The following MPP7 variants were observed in gnomAD, a reference collection of about 807,000 sequenced individuals.
MPP7 encodes the protein MAGUK p55 subfamily member 7.
Under a neutral mutation model 76.5 loss-of-function variants are expected in MPP7, and 60 were observed. That is an observed-to-expected ratio of 0.78 (90% CI 0.64 to 0.97). The LOEUF (loss-of-function observed/expected upper bound fraction) is 0.97. Among genes scored for constraint, MPP7 ranks in the 50% least tolerant of loss-of-function variants. The pLI is 0.00. For missense variants in MPP7, 641 were observed against 694.0 expected (o/e 0.92, Z 0.86); for synonymous variants, 237 against 244.5 (o/e 0.97, Z 0.29).
chr10:28,099,917 AC>A (rs746959084), intron 11 of MPP7, among the ~76,000 whole-genome samples: 13 of 152,230 alleles, frequency 8.5e-5, no homozygotes, highest in South Asian at 8.3e-4. Flanking sequence ...AGAAAAAAAA[AC>A]ATTTAAATTC....
intron 2 of MPP7, among the ~76,000 whole-genome samples, chr10:28,323,295 A>C (rs1834382724): frequency 6.6e-6 from 1 of 151,960 alleles, no homozygotes; most frequent in South Asian, 2.1e-4. Flanking sequence ...AAAAAAAAAG[A>C]AAAATAAATC....
rs756193198 is a variant in MPP7, at chr10:28,202,132, T to A, written c.156+21A>T. ...TTCCATATGCTTTTCGCAAAGAGAA[T>A]CTGACATCAGCATGGTTTACCTTTA... On this transcript the variant is annotated intron_variant, in intron 3 of 16. Coordinates refer to ENST00000683449, the MANE Select transcript of MPP7 (RefSeq NM_001318170.2). The A allele has an allele frequency of 3.3e-6, 5 of 1,511,626 alleles. No individual in the cohort carries two copies. In the Admixed American group the frequency reaches 8.6e-5, roughly 26 times the overall value. 93.6% of individuals were successfully genotyped at this position (1,511,626 alleles called of 1,614,324 possible).
intron 11 of MPP7, among the ~76,000 whole-genome samples, chr10:28,106,232 G>A (rs1445345958): frequency 6.6e-6 from 1 of 152,066 alleles, no homozygotes; most frequent in African/African-American, 2.4e-5. Context: ...TTTCTCTAAC[G>A]GAATTGATCG....
intron 12 of MPP7, among the ~76,000 whole-genome samples, chr10:28,086,287 C>T (rs1047816718): frequency 2.8e-4 from 43 of 151,908 alleles, no homozygotes; most frequent in Non-Finnish European, 7.4e-5. Flanking sequence ...ACATGTATCC[C>T]AGAATTTAAA....
In MPP7 at chr10:28,216,571, G is replaced by A. The variant is rs1430565989; in HGVS notation, c.38-14300C>T. On this transcript the variant is annotated intron_variant, in intron 2 of 16. Transcript: ENST00000683449. ...AGTCATTTTAGACAATGTTTCAAGT[G>A]ATACAGAAAAATAATATTAATCCCT... is the stretch of plus-strand genomic sequence containing the variant. Among the ~76,000 whole-genome samples the A allele has an allele frequency of 2.6e-5, 4 of 152,118 alleles. No individual in the cohort carries two copies. The East Asian group carries it at 7.7e-4, about 29-fold the overall frequency.
At chr10:28,131,238 G>C (rs1036790118) in intron 6 of MPP7, among the ~76,000 whole-genome samples, 1 of 152,144 alleles carries the variant, frequency 6.6e-6, no homozygotes, top group African/African-American at 2.4e-5. Flanking sequence ...ATAACTTAAA[G>C]TTGCGTTCCC....
rs552380657 is a variant in MPP7, at chr10:28,207,980, A to G, written c.38-5709T>C. Among the ~76,000 whole-genome samples, 7 of 152,182 alleles carry G rather than the reference A, an allele frequency of 4.6e-5. No homozygotes were observed. In the South Asian group the frequency reaches 1.2e-3, roughly 27 times the overall value. On this transcript the variant is annotated intron_variant, in intron 2 of 16. Coordinates refer to ENST00000683449, the MANE Select transcript of MPP7 (RefSeq NM_001318170.2). ...ACCTGGAGACAGGAGCTCTGCAGTA[A>G]TTTGAACAGAGAAGCTTAATATAAA... is the stretch of plus-strand genomic sequence containing the variant.
chr10:28,120,627 G>A lies in MPP7; in HGVS notation c.657C>T (p.Gly219=), dbSNP rs768084790. The change falls in exon 9 of 17, where the codon GGC becomes GGT. Residue 219 remains glycine (G), a synonymous_variant. Transcript: ENST00000683449. Reference sequence around the variant, plus strand: ...CTTTTGATGGTGTCTCCTCTTTGCTGCCGGGTATAATCTTAAATGTAATTG... The same window carrying A: ...CTTTTGATGGTGTCTCCTCTTTGCTACCGGGTATAATCTTAAATGTAATTG... ...QGAITFKIIP[G]SKEETPSKEG... 8.1e-6 allele frequency: 13 copies of A among 1,613,580 alleles called. No homozygotes were observed. In the African/African-American group the frequency reaches 1.7e-4, roughly 22 times the overall value.
chr10:28,144,401 C>T (rs1049905276), intron 5 of MPP7, among the ~76,000 whole-genome samples: 3 of 152,128 alleles, frequency 2.0e-5, no homozygotes, highest in African/African-American at 4.8e-5. Context: ...GGGAGAAAGG[C>T]TATTACTAAT....
rs148002226 is a variant in MPP7 at position 28,284,828 on chromosome 10, T to C, written c.-132+18033A>G. ...TCTGATCTCAGAATACAATATAAGA[T>C]ACATAAAAGGATAATGACATGCAAT... On this transcript the variant is annotated intron_variant, in intron 1 of 16. Coordinates refer to ENST00000683449, the MANE Select transcript of MPP7 (RefSeq NM_001318170.2). Among the ~76,000 whole-genome samples, 912 of 152,298 alleles carry C rather than the reference T, an allele frequency of 6.0e-3. 10 individuals carry two copies. Among genetic ancestry groups the C allele is most frequent in the African/African-American group, 0.019 (798 of 41,560 alleles).
intron 3 of MPP7, among the ~76,000 whole-genome samples, chr10:28,174,816 A>C (rs1836803776): frequency 6.6e-6 from 1 of 152,228 alleles, no homozygotes; most frequent in African/African-American, 2.4e-5. Flanking sequence ...GTGGTCAAAA[A>C]TCAGAAATGG....
At chr10:28,096,312 A>T (rs1161697417) in intron 11 of MPP7, among the ~76,000 whole-genome samples, 2 of 152,160 alleles carry the variant, frequency 1.3e-5, no homozygotes, top group Non-Finnish European at 2.9e-5. Context: ...CCATTCTCTC[A>T]TCAAAGGACT....
At chr10:28,100,196 C>A (rs1853761970) in intron 11 of MPP7, among the ~76,000 whole-genome samples, 1 of 150,256 alleles carries the variant, frequency 6.7e-6, no homozygotes, top group Non-Finnish European at 1.5e-5. Context: ...AGGTTTCTGA[C>A]AACCAAACAT....
chr10:28,277,005 C>A (rs910955226), intron 1 of MPP7, among the ~76,000 whole-genome samples: 1 of 151,668 alleles, frequency 6.6e-6, no homozygotes, highest in Non-Finnish European at 1.5e-5. Context: ...CCAGCTTGGA[C>A]AACATAGTGA....
chr10:28,082,622 AATTTT>A (rs1852817404), intron 12 of MPP7, among the ~76,000 whole-genome samples: 1 of 151,970 alleles, frequency 6.6e-6, no homozygotes, highest in South Asian at 2.1e-4. Flanking sequence ...TTGCCTGGCT[AATTTT>A]ATTTTATTTT....
At chr10:28,164,157 TAACTGAAATG>T (rs1288015989) in intron 3 of MPP7, among the ~76,000 whole-genome samples, 1 of 151,844 alleles carries the variant, frequency 6.6e-6, no homozygotes, top group East Asian at 1.9e-4. Context: ...ATGTAAATGG[TAACTGAAATG>T]AACTGAAGAG....
chr10:28,085,400 C>G (rs545010503), intron 12 of MPP7, among the ~76,000 whole-genome samples: 14 of 152,260 alleles, frequency 9.2e-5, no homozygotes, highest in African/African-American at 3.4e-4. Flanking sequence ...GGACAGGACC[C>G]TCTTAAAAAC....
chr10:28,200,165 T>G (rs1300683374), intron 3 of MPP7, among the ~76,000 whole-genome samples: 4 of 152,194 alleles, frequency 2.6e-5, no homozygotes, highest in African/African-American at 9.7e-5. Context: ...TTGTTCCAGC[T>G]GTTTAAAGCT....
chr10:28,324,849 C>T (rs1418145191), intron 2 of MPP7, among the ~76,000 whole-genome samples: 2 of 152,122 alleles, frequency 1.3e-5, no homozygotes, highest in African/African-American at 2.4e-5. Flanking sequence ...TTATTAGCCC[C>T]TTTTTAACAG....
Sources: gnomAD v4.1 joint callset for allele counts (sites outside exome capture counted in the v4.1 genomes callset) on GRCh38, gnomAD v4.1.1 for gene constraint, MANE v1.5 for transcripts, NCBI Gene and HGNC (gene_info 2026-07-23, HGNC 2026-07-21) for gene names.